STMND1: variants seen among roughly 807,000 people sequenced by gnomAD.
The protein encoded by STMND1 is stathmin domain containing 1.
A neutral mutation model predicts 23.0 loss-of-function variants in STMND1; 17 were observed. That is an observed-to-expected ratio of 0.74 (90% CI 0.51 to 1.11). STMND1 has a LOEUF of 1.11. Among genes scored for constraint, STMND1 ranks in the 50% least tolerant of loss-of-function variants. The pLI, the probability that STMND1 is intolerant of heterozygous loss-of-function variation, is 0.00. For missense variants in STMND1, 305 were observed against 329.1 expected (o/e 0.93, Z 0.57); for synonymous variants, 114 against 119.9 (o/e 0.95, Z 0.32).
intron 1 of STMND1, among the ~76,000 whole-genome samples, chr6:17,105,262 G>T (rs951989942): frequency 2.0e-5 from 3 of 152,104 alleles, no homozygotes; most frequent in African/African-American, 7.2e-5. Flanking sequence ...TTGTTGTGAG[G>T]GTTAAATAAA....
At chr6:17,122,286 A>G (rs902012045) in intron 3 of STMND1, among the ~76,000 whole-genome samples, 12 of 152,042 alleles carry the variant, frequency 7.9e-5, no homozygotes, top group Non-Finnish European at 1.3e-4. Context: ...GCTCCCAAGC[A>G]CTACCAGTAG....
chr6:17,129,350 A>G, intron 4 of STMND1, 107 bp downstream of exon 4: 1 of 1,050,320 alleles, frequency 9.5e-7, no homozygotes, highest in Non-Finnish European at 1.3e-6. Flanking sequence ...GCATGGATCT[A>G]TAATCAGTAT....
Position 17,102,267 on chromosome 6 carries a change from G to A in STMND1, c.10G>A (p.Gly4Arg), listed in dbSNP as rs1465467640. MGCGPSQPAEDRRR... is the reference protein window; with the variant it reads MGCRPSQPAEDRRR... The stretch of plus-strand genomic sequence containing the variant: ...AGCGCGCGCGCGCAGCATGGGCTGT[G>A]GACCTTCCCAACCTGCTGAAGACCG... The change falls in exon 1 of 5, where the codon GGA becomes AGA. Residue 4 changes from glycine to arginine, a missense_variant. Physicochemically the swap from Gly to Arg is moderately radical, Grantham distance 125. Coordinates refer to ENST00000536551, the MANE Select transcript of STMND1 (RefSeq NM_001190766.2). 2 of 1,535,958 alleles carry A rather than the reference G, an allele frequency of 1.3e-6. No individual in the cohort carries two copies. The highest frequency in any genetic ancestry group is 1.7e-6 in the Non-Finnish European group (2 of 1,146,804).
Position 17,130,747 on chromosome 6 carries a change from C to A in STMND1, c.697C>A (p.Gln233Lys), listed in dbSNP as rs1761380605. Residue 233 changes from glutamine to lysine, a missense_variant, in exon 5 of 5, where the codon CAG (glutamine) becomes AAG (lysine). Transcript: ENST00000536551. Reference sequence around the variant, plus strand: ...TGCTGGATTTGAACCATCTGACCTGCAGGGAGGAAAACCATTGAAGAGGAA... The same window carrying A: ...TGCTGGATTTGAACCATCTGACCTGAAGGGAGGAAAACCATTGAAGAGGAA... ...RSAGFEPSDLQGGKPLKRKKS... is the reference protein window; with the variant it reads ...RSAGFEPSDLKGGKPLKRKKS... 2 of 1,535,906 alleles carry A rather than the reference C, an allele frequency of 1.3e-6. No homozygotes were observed.
At chr6:17,109,218 CTTGT>C (rs892479212) in intron 1 of STMND1, among the ~76,000 whole-genome samples, 14 of 152,100 alleles carry the variant, frequency 9.2e-5, no homozygotes, top group South Asian at 6.2e-4. Context: ...TGATGACTTT[CTTGT>C]TTGTTTGGTT....
chr6:17,112,933 G>C (rs1265322732), intron 1 of STMND1, among the ~76,000 whole-genome samples: 1 of 152,142 alleles, frequency 6.6e-6, no homozygotes, highest in Non-Finnish European at 1.5e-5. Context: ...ACCAACACTT[G>C]TTATTGTGTG....
At chr6:17,114,860 C>T (rs1264835900) in intron 1 of STMND1, 102 bp from the exon 2 acceptor site, 2 of 1,276,942 alleles carry the variant, frequency 1.6e-6, no homozygotes, top group Non-Finnish European at 1.0e-6. Context: ...ATACAGCCCA[C>T]CACAGATACT....
intron 1 of STMND1, among the ~76,000 whole-genome samples, chr6:17,111,406 G>A (rs961116351): frequency 5.9e-5 from 9 of 152,132 alleles, no homozygotes; most frequent in Admixed American, 1.3e-4. Context: ...GGGTTCACGG[G>A]TTCACAGTGA....
At chr6:17,127,956 CCTTAA>C (rs921791448) in intron 3 of STMND1, 1 of 100,898 alleles carries the variant, frequency 9.9e-6, no homozygotes, top group Non-Finnish European at 2.4e-5. Context: ...TTACAGATAT[CCTTAA>C]CATATATATG....
intron 3 of STMND1, among the ~76,000 whole-genome samples, chr6:17,121,844 C>T (rs1057194228): frequency 6.6e-6 from 1 of 151,262 alleles, no homozygotes; most frequent in African/African-American, 2.4e-5. Flanking sequence ...ACTAGCTTGG[C>T]TAAAGTCTAG....
chr6:17,119,570 C>T (rs1214940831), intron 2 of STMND1, among the ~76,000 whole-genome samples: 1 of 152,012 alleles, frequency 6.6e-6, no homozygotes, highest in Non-Finnish European at 1.5e-5. Context: ...CATGGTGGCA[C>T]ACACCTGTAA....
intron 3 of STMND1, among the ~76,000 whole-genome samples, chr6:17,125,638 A>C (rs1270350402): frequency 6.6e-6 from 1 of 152,146 alleles, no homozygotes; most frequent in Non-Finnish European, 1.5e-5. Flanking sequence ...AAGTTGACTG[A>C]GTTAGGACTC....
intron 2 of STMND1, among the ~76,000 whole-genome samples, chr6:17,119,535 C>G (rs975155070): frequency 3.3e-5 from 5 of 152,100 alleles, no homozygotes; most frequent in Non-Finnish European, 5.9e-5. Context: ...GAAATCCCAT[C>G]TCTACTAAAA....
chr6:17,104,640 T>G (rs570954081), intron 1 of STMND1, among the ~76,000 whole-genome samples: 1 of 152,270 alleles, frequency 6.6e-6, no homozygotes, highest in South Asian at 2.1e-4. Context: ...TTTTTCTACT[T>G]CCTGCTACAC....
chr6:17,123,151 G>A (rs1385328784), intron 3 of STMND1, among the ~76,000 whole-genome samples: 1 of 152,158 alleles, frequency 6.6e-6, no homozygotes, highest in Non-Finnish European at 1.5e-5. Flanking sequence ...CTTAGACTTT[G>A]CAATGGAGCC....
chr6:17,117,315 C>T (rs1413010023), intron 2 of STMND1, among the ~76,000 whole-genome samples: 5 of 152,094 alleles, frequency 3.3e-5, no homozygotes, highest in African/African-American at 4.8e-5. Flanking sequence ...GTGCTCCTCC[C>T]GCCTTGGCCT....
chr6:17,114,169 A>G (rs950839816), intron 1 of STMND1, among the ~76,000 whole-genome samples: 1 of 152,192 alleles, frequency 6.6e-6, no homozygotes, highest in Non-Finnish European at 1.5e-5. Context: ...ATCATAATGT[A>G]GAATCAGTGG....
intron 1 of STMND1, among the ~76,000 whole-genome samples, chr6:17,108,533 T>C (rs1427016764): frequency 6.6e-6 from 1 of 152,118 alleles, no homozygotes; most frequent in African/African-American, 2.4e-5. Flanking sequence ...CAAAATAAAC[T>C]TGTGAAAATA....
chr6:17,121,939 T>C (rs1761238960), intron 3 of STMND1, among the ~76,000 whole-genome samples: 2 of 151,834 alleles, frequency 1.3e-5, no homozygotes, highest in African/African-American at 4.8e-5. Flanking sequence ...CCTGGCTCAC[T>C]GCAACCTCTG....
Sources: allele counts gnomAD v4.1 joint callset (sites outside exome capture counted in the v4.1 genomes callset), GRCh38; gene constraint gnomAD v4.1.1; transcripts MANE v1.5; gene names NCBI Gene and HGNC (gene_info 2026-07-23, HGNC 2026-07-21).